The following RASGRP3 variants were observed in gnomAD, a reference collection of about 807,000 sequenced individuals.
RASGRP3 encodes the protein RAS guanyl releasing protein 3.
Under a neutral mutation model 82.7 loss-of-function variants are expected in RASGRP3, and 54 were observed. The ratio of observed to expected loss-of-function variants is 0.65; its 90% CI spans 0.52 to 0.82. The LOEUF (loss-of-function observed/expected upper bound fraction) is 0.82. RASGRP3 is among the 40% of genes least tolerant of loss of function. The probability of loss-of-function intolerance (pLI) is 0.00; values close to 1 mark genes in which losing one functional copy is unlikely to be tolerated. For synonymous variants in RASGRP3, 309 were observed against 300.5 expected (o/e 1.03, Z -0.29); for missense variants, 861 against 828.9 (o/e 1.04, Z -0.48).
upstream of RASGRP3, among the ~76,000 whole-genome samples, chr2:33,473,382 C>CAA (rs113570731): frequency 3.5e-3 from 511 of 144,850 alleles, 4 homozygotes; most frequent in African/African-American, 0.012. Context: ...GACTCCGTCT[C>CAA]AAAAAAAAAA....
chr2:33,538,025 C>G (rs1673825592), intron 11 of RASGRP3, among the ~76,000 whole-genome samples: 1 of 152,106 alleles, frequency 6.6e-6, no homozygotes, highest in Admixed American at 6.6e-5. Context: ...CCACTGGTAC[C>G]CATTTGCTGC....
chr2:33,488,153 T>C (rs1280024229), intron 1 of RASGRP3, among the ~76,000 whole-genome samples: 1 of 152,224 alleles, frequency 6.6e-6, no homozygotes. Flanking sequence ...TTTTCAAAAG[T>C]TGTTGCCATA....
At chr2:33,467,100 T>C (rs184264884) in intron 2 of RASGRP3, among the ~76,000 whole-genome samples, 4 of 152,132 alleles carry the variant, frequency 2.6e-5, no homozygotes, top group East Asian at 1.9e-4. Flanking sequence ...TACTTGGTAT[T>C]ATATATAATA....
At position 33,502,690 on chromosome 2, in the gene RASGRP3, T is replaced by G. The variant is rs112264428; in HGVS notation, c.-260-9020T>G. ...ACCACACCCAGCTAATTTTTTTGTA[T>G]TTTTATTAGAGACAGCGTTTCACCA... is the stretch of plus-strand genomic sequence containing the variant. On this transcript the variant is annotated intron_variant, in intron 1 of 17. Transcript: ENST00000403687. Among the ~76,000 whole-genome samples the G allele has an allele frequency of 3.9e-3, 586 of 152,184 alleles. 3 individuals are homozygous for G. The highest frequency in any genetic ancestry group is 0.014 in the African/African-American group (564 of 41,516).
intron 1 of RASGRP3, among the ~76,000 whole-genome samples, chr2:33,502,739 T>G (rs566886424): frequency 2.6e-5 from 4 of 152,310 alleles, no homozygotes; most frequent in African/African-American, 9.6e-5. Flanking sequence ...GATCCCGAAC[T>G]CCTGACCTCA....
At chr2:33,527,073 C>T (rs879006014) in intron 9 of RASGRP3, 64 bp from the exon 10 acceptor site, 3 of 1,536,842 alleles carry the variant, frequency 2.0e-6, no homozygotes, top group Non-Finnish European at 2.7e-6. Flanking sequence ...CCACACATTG[C>T]AGGGCCCGGG....
At chr2:33,557,285 T>C (rs1000728242) in intron 15 of RASGRP3, among the ~76,000 whole-genome samples, 3 of 152,236 alleles carry the variant, frequency 2.0e-5, no homozygotes, top group Non-Finnish European at 4.4e-5. Context: ...CAGACTCTGC[T>C]GCACGCTGTT....
At position 33,451,078 on chromosome 2, in the gene RASGRP3, A is replaced by T. The variant is rs112690541; in HGVS notation, c.-261+3135A>T. ...GGATGGTCTCGATCTCCTGACCAGGATGGTCTCCAACTCCTGACCTCGTGA... is the reference window on the plus strand; with the variant it reads ...GGATGGTCTCGATCTCCTGACCAGGTTGGTCTCCAACTCCTGACCTCGTGA... On this transcript the variant is annotated intron_variant, in intron 2 of 18. Coordinates refer to the RASGRP3 transcript ENST00000402538. 3.4e-3 allele frequency among the ~76,000 whole-genome samples: 520 copies of T among 151,532 alleles called. 4 individuals are homozygous for T. The highest frequency in any genetic ancestry group is 6.5e-3 in the South Asian group (31 of 4,772).
chr2:33,502,945 G>A (rs1168557785), intron 1 of RASGRP3, among the ~76,000 whole-genome samples: 1 of 152,136 alleles, frequency 6.6e-6, no homozygotes, highest in Non-Finnish European at 1.5e-5. Flanking sequence ...TCTCAGAGTT[G>A]TGGCATTTCT....
chr2:33,509,344 G>A (rs955708013), intron 1 of RASGRP3, among the ~76,000 whole-genome samples: 2 of 152,044 alleles, frequency 1.3e-5, no homozygotes, highest in South Asian at 2.1e-4. Flanking sequence ...GGAGGTTGCA[G>A]TGAGCTGAGA....
chr2:33,540,001 G>T (rs201148781), intron 12 of RASGRP3: 2 of 27,886 alleles, frequency 7.2e-5, no homozygotes, highest in African/African-American at 2.1e-4. Context: ...AAAAAAAAAA[G>T]AAAAGAAAAG....
intron 2 of RASGRP3, among the ~76,000 whole-genome samples, chr2:33,513,576 T>C (rs1174966847): frequency 1.3e-5 from 2 of 152,226 alleles, no homozygotes; most frequent in African/African-American, 4.8e-5. Flanking sequence ...GAATCCTCAA[T>C]GGCTGCATTT....
At chr2:33,440,400 G>C (rs935755830) in intron 1 of RASGRP3, among the ~76,000 whole-genome samples, 5 of 152,118 alleles carry the variant, frequency 3.3e-5, no homozygotes, top group Non-Finnish European at 1.5e-5. Context: ...TCATTAATGA[G>C]AGGCAGATGG....
intron 1 of RASGRP3, among the ~76,000 whole-genome samples, chr2:33,483,114 G>A (rs1478876300): frequency 6.6e-6 from 1 of 152,012 alleles, no homozygotes; most frequent in Non-Finnish European, 1.5e-5. Flanking sequence ...TAGGGTAATA[G>A]AAACCTTGAT....
chr2:33,484,615 C>G (rs1183132448), intron 1 of RASGRP3, among the ~76,000 whole-genome samples: 1 of 152,112 alleles, frequency 6.6e-6, no homozygotes, highest in Non-Finnish European at 1.5e-5. Context: ...TTTCTCTCCC[C>G]AGTCACTCTT....
intron 1 of RASGRP3, among the ~76,000 whole-genome samples, chr2:33,438,249 A>G (rs1665029347): frequency 6.6e-6 from 1 of 152,368 alleles, no homozygotes; most frequent in East Asian, 1.9e-4. Flanking sequence ...ATTGGTTTCC[A>G]GATGACCATA....
intron 1 of RASGRP3, among the ~76,000 whole-genome samples, chr2:33,508,496 G>A (rs1670616819): frequency 6.6e-6 from 1 of 152,108 alleles, no homozygotes; most frequent in Admixed American, 6.5e-5. Context: ...TTCTTTCAAT[G>A]CAATAGCAGG....
chr2:33,562,634 TTCCC>T (rs1378637349), intron 17 of RASGRP3, 91 bp from the exon 18 acceptor site: 1 of 1,343,878 alleles, frequency 7.4e-7, no homozygotes, highest in Non-Finnish European at 1.1e-6. Context: ...ATTTCAGATG[TTCCC>T]TCAAAGTCAT....
intron 1 of RASGRP3, among the ~76,000 whole-genome samples, chr2:33,494,584 A>G (rs114650859): frequency 0.014 from 2,192 of 152,298 alleles, 51 homozygotes; most frequent in African/African-American, 0.05. Context: ...CTAGAGAGGA[A>G]GTGGGAGAGA....
Sources: allele counts gnomAD v4.1 joint callset (sites outside exome capture counted in the v4.1 genomes callset), GRCh38; gene constraint gnomAD v4.1.1; transcripts MANE v1.5; gene names NCBI Gene and HGNC (gene_info 2026-07-23, HGNC 2026-07-21).